Variants in TAB1 observed in about 807,000 individuals in gnomAD.
TAB1 encodes the protein TGF-beta-activated kinase 1 and MAP3K7-binding protein 1.
Under a neutral mutation model 54.5 loss-of-function variants are expected in TAB1, and 30 were observed. The observed-to-expected ratio is 0.55, with a 90% CI of 0.41 to 0.75. The LOEUF (loss-of-function observed/expected upper bound fraction) is 0.75, where lower values mean the gene tolerates loss of function less well. TAB1 is among the 30% of genes least tolerant of loss of function. The pLI, the probability that TAB1 is intolerant of heterozygous loss-of-function variation, is 0.00. For missense variants in TAB1, 609 were observed against 683.2 expected (o/e 0.89, Z 1.21); for synonymous variants, 289 against 286.9 (o/e 1.01, Z -0.07).
Position 39,430,575 on chromosome 22 carries a change from C to T in TAB1, c.*353C>T. 1 of 1,166,866 alleles carries T rather than the reference C, an allele frequency of 8.6e-7. No individual in the cohort carries two copies. Among genetic ancestry groups the T allele is most frequent in the Non-Finnish European group, 1.1e-6 (1 of 933,472 alleles). 72.3% of individuals were successfully genotyped at this position (1,166,866 alleles called of 1,614,324 possible). A position where few individuals can be genotyped will look rare whatever the true frequency, so the allele number is the denominator to read the frequency against. ...GAGCAGGAAGAGGCGCCCTGTGAAC[C>T]CTGAGTGTTGCAGGCCCAGCAGACC... On this transcript the variant is annotated 3_prime_UTR_variant, in exon 11 of 11. Coordinates refer to ENST00000216160, the MANE Select transcript of TAB1 (RefSeq NM_006116.3).
chr22:39,419,679 T>G lies in TAB1; in HGVS notation c.776+49T>G, dbSNP rs574573935. 37 of 1,374,490 alleles carry G rather than the reference T, an allele frequency of 2.7e-5. No individual in the cohort carries two copies. The South Asian group carries it at 4.4e-4, about 16-fold the overall frequency. 85.1% of individuals were successfully genotyped at this position (1,374,490 alleles called of 1,614,324 possible). A position where few individuals can be genotyped will look rare whatever the true frequency, so the allele number is the denominator to read the frequency against. ...CTGTGCTTGAAAGAACAGAAGGTCC[T>G]AGGGAGGCCAAGATGGGAGGATTGA... On this transcript the variant is annotated intron_variant, in intron 7 of 10. Transcript: ENST00000216160.
intron 10 of TAB1, among the ~76,000 whole-genome samples, chr22:39,428,707 A>G (rs1927457903): frequency 1.3e-5 from 2 of 152,172 alleles, no homozygotes; most frequent in South Asian, 2.1e-4. Context: ...CTTCCTTAGA[A>G]TGTGCACTCC....
Position 39,419,534 on chromosome 22 carries a change from A to G in TAB1, c.680A>G (p.Lys227Arg). Residue 227 changes from lysine (K) to arginine (R), a missense_variant, in exon 7 of 11, where the codon AAG becomes AGG. Transcript: ENST00000216160. ...CCCTCCGTAGGCTTGGATGCTGGAA[A>G]GATCAAGCAGGTGGGGATCATCTGT... ...RLSQLGLDAG[K>R]IKQVGIICGQ... 6.2e-7 allele frequency: 1 copy of G among 1,609,674 alleles called. No individual in the cohort carries two copies. Among genetic ancestry groups the G allele is most frequent in the East Asian group, 2.2e-5 (1 of 44,772 alleles).
chr22:39,401,363 C>G (rs1926137227), intron 1 of TAB1, among the ~76,000 whole-genome samples: 1 of 152,240 alleles, frequency 6.6e-6, no homozygotes, highest in Non-Finnish European at 1.5e-5. Context: ...CTGGGCACGT[C>G]TGTCTTGTTA....
At chr22:39,417,008 C>T (rs1926862345) in intron 4 of TAB1, 131 bp downstream of exon 4, 2 of 831,178 alleles carry the variant, frequency 2.4e-6, no homozygotes, top group African/African-American at 1.7e-5. Context: ...TGATGGGTGA[C>T]ACTGGTGTGT....
intron 8 of TAB1, 106 bp from the exon 9 acceptor site, chr22:39,426,597 G>A (rs905353792): frequency 1.2e-5 from 12 of 996,246 alleles, no homozygotes; most frequent in Non-Finnish European, 1.7e-5. Context: ...TTCACCTGCT[G>A]GGCTGTTGAC....
intron 1 of TAB1, among the ~76,000 whole-genome samples, chr22:39,412,921 G>A (rs1239172942): frequency 1.7e-5 from 2 of 116,446 alleles, no homozygotes; most frequent in Admixed American, 1.8e-4. Context: ...TTTTGAGATG[G>A]AGTCTTTTTT....
In TAB1 at chr22:39,414,947, A is replaced by AGT. The variant is rs550929850; in HGVS notation, c.34-57_34-56dup. 8.0e-4 allele frequency: 1,289 copies of AGT among 1,605,476 alleles called. 12 individuals carry two copies. The African/African-American group carries it at 0.016, about 20-fold the overall frequency. ...TTTTTGTTGCAGAAGGAATAGGTGAAGTGGGGACTACCCTGCAGACGCGGT... is the reference window on the plus strand; with the variant it reads ...TTTTTGTTGCAGAAGGAATAGGTGAAGTGTGGGGACTACCCTGCAGACGCGGT... On this transcript the variant is annotated intron_variant, in intron 1 of 10. Transcript: ENST00000216160.
downstream of TAB1, among the ~76,000 whole-genome samples, chr22:39,435,326 A>T (rs1433325871): frequency 6.6e-6 from 1 of 151,988 alleles, no homozygotes; most frequent in African/African-American, 2.4e-5. Context: ...AGGTTTATAG[A>T]TCTGCGCTTC....
At chr22:39,407,876 TC>T (rs1395980255) in intron 1 of TAB1, among the ~76,000 whole-genome samples, 1 of 152,174 alleles carries the variant, frequency 6.6e-6, no homozygotes, top group African/African-American at 2.4e-5. Flanking sequence ...CGCCTCAGCC[TC>T]CCAAGGTGCT....
downstream of TAB1, chr22:39,436,454 T>C: frequency 1.9e-6 from 3 of 1,545,554 alleles, no homozygotes; most frequent in Non-Finnish European, 2.7e-6. Context: ...TCTGGACTTT[T>C]CTTCATGTGT....
intron 4 of TAB1, among the ~76,000 whole-genome samples, chr22:39,417,162 C>A (rs1176786326): frequency 6.6e-6 from 1 of 152,254 alleles, no homozygotes; most frequent in East Asian, 1.9e-4. Flanking sequence ...ACCACCTGCT[C>A]ACATCGCCTA....
In TAB1 at chr22:39,421,461, C is replaced by A. The variant is rs34236811; in HGVS notation, c.777-366C>A. The stretch of plus-strand genomic sequence containing the variant: ...TCTCAGCCATCTGTTTTGGAAAAGC[C>A]CAAATAATAGCAAGAGGCTTGGGCT... On this transcript the variant is annotated intron_variant, in intron 7 of 10. Coordinates refer to ENST00000216160, the MANE Select transcript of TAB1 (RefSeq NM_006116.3). Among the ~76,000 whole-genome samples the A allele has an allele frequency of 2.7e-3, 417 of 152,234 alleles. 1 individual carries two copies. Among genetic ancestry groups the A allele is most frequent in the African/African-American group, 8.7e-3 (360 of 41,536 alleles).
intron 1 of TAB1, among the ~76,000 whole-genome samples, chr22:39,412,385 T>C (rs1926643153): frequency 6.6e-6 from 1 of 151,808 alleles, no homozygotes; most frequent in African/African-American, 2.4e-5. Context: ...CAGTGGAAAA[T>C]AGGTTGCCAG....
chr22:39,418,954 C>T (rs545584962), intron 6 of TAB1, 109 bp downstream of exon 6: 10 of 833,800 alleles, frequency 1.2e-5, no homozygotes, highest in Non-Finnish European at 2.0e-5. Flanking sequence ...ATCTTGGGCT[C>T]CCCAGCCAGC....
At position 39,417,812 on chromosome 22, in the gene TAB1, G is replaced by A. The variant is rs578167278; in HGVS notation, c.513G>A (p.Ala171=). The A allele has an allele frequency of 1.4e-4, 233 of 1,612,742 alleles. 3 individuals carry two copies. The South Asian group carries it at 2.1e-3, about 15-fold the overall frequency. ...EISGGAMAVV[A]VLLNNKLYVA... ...CGGGAGGGGCCATGGCCGTTGTGGCGGTCCTTCTCAACAACAAGCTCTACG... is the reference window on the plus strand; with the variant it reads ...CGGGAGGGGCCATGGCCGTTGTGGCAGTCCTTCTCAACAACAAGCTCTACG... The change falls in exon 5 of 11, where the codon GCG becomes GCA. Residue 171 remains alanine, a synonymous_variant. Coordinates refer to ENST00000216160, the MANE Select transcript of TAB1 (RefSeq NM_006116.3).
At chr22:39,422,210 AG>A (rs1448463399) in intron 8 of TAB1, among the ~76,000 whole-genome samples, 1 of 151,966 alleles carries the variant, frequency 6.6e-6, no homozygotes, top group Non-Finnish European at 1.5e-5. Context: ...TGAAGGGAAG[AG>A]GGGGAGATGG....
intron 8 of TAB1, among the ~76,000 whole-genome samples, chr22:39,422,697 G>T (rs961056293): frequency 3.3e-5 from 5 of 152,146 alleles, no homozygotes; most frequent in African/African-American, 1.2e-4. Context: ...GCGCCCGGCA[G>T]TTCACTTCTC....
intron 5 of TAB1, 100 bp downstream of exon 5, chr22:39,417,949 C>T (rs966466017): frequency 6.9e-6 from 10 of 1,447,946 alleles, no homozygotes; most frequent in Admixed American, 2.5e-5. Context: ...ACTTCACGCA[C>T]TTTAAACCCA....
Sources: allele counts gnomAD v4.1 joint callset (sites outside exome capture counted in the v4.1 genomes callset), GRCh38; gene constraint gnomAD v4.1.1; transcripts MANE v1.5; gene names NCBI Gene and HGNC (gene_info 2026-07-23, HGNC 2026-07-21).